DIAPH3: variants seen among roughly 807,000 people sequenced by gnomAD.
The protein encoded by DIAPH3 is protein diaphanous homolog 3.
In DIAPH3, 117 loss-of-function variants were observed where a neutral mutation model predicts 144.3. The ratio of observed to expected loss-of-function variants is 0.81; its 90% CI spans 0.70 to 0.95. DIAPH3 has a LOEUF of 0.95. Ranked by LOEUF, DIAPH3 falls within the 40% of genes least tolerant of loss-of-function variation. The pLI is 0.00. For synonymous variants in DIAPH3, 519 were observed against 488.9 expected, an observed-to-expected ratio of 1.06 and a Z score of -0.81; for missense variants, 1,421 against 1,412.7, an observed-to-expected ratio of 1.01 and a Z score of -0.09.
intron 17 of DIAPH3, among the ~76,000 whole-genome samples, chr13:59,957,572 T>C (rs2049483601): frequency 6.6e-6 from 1 of 152,150 alleles, no homozygotes; most frequent in Non-Finnish European, 1.5e-5. Context: ...AACAGACAAT[T>C]ATAGTTACCA....
chr13:59,978,356 C>A (rs971713179), intron 14 of DIAPH3, among the ~76,000 whole-genome samples: 2 of 151,530 alleles, frequency 1.3e-5, no homozygotes, highest in Non-Finnish European at 3.0e-5. Context: ...ACAAAGTTCA[C>A]TGTTACACAG....
At chr13:59,771,095 C>T (rs1006425540) in intron 27 of DIAPH3, among the ~76,000 whole-genome samples, 2 of 151,998 alleles carry the variant, frequency 1.3e-5, no homozygotes, top group African/African-American at 2.4e-5. Context: ...CATATAGGGA[C>T]ATTTTAGCCC....
At chr13:59,944,178 C>G (rs979267986) in intron 17 of DIAPH3, among the ~76,000 whole-genome samples, 2 of 151,804 alleles carry the variant, frequency 1.3e-5, no homozygotes, top group African/African-American at 4.8e-5. Flanking sequence ...CATGTCACTG[C>G]ACTCCAGCCT....
chr13:60,113,230 G>C (rs1050191337), intron 2 of DIAPH3, among the ~76,000 whole-genome samples: 1 of 152,050 alleles, frequency 6.6e-6, no homozygotes, highest in African/African-American at 2.4e-5. Context: ...AAGTGCTCAA[G>C]AGCCACATGT....
At chr13:59,850,134 T>C (rs1318420304) in intron 22 of DIAPH3, among the ~76,000 whole-genome samples, 1 of 152,054 alleles carries the variant, frequency 6.6e-6, no homozygotes, top group Non-Finnish European at 1.5e-5. Context: ...GTTGTTGGTG[T>C]ATAAGAATGC....
intron 22 of DIAPH3, among the ~76,000 whole-genome samples, chr13:59,851,704 C>G (rs899354048): frequency 3.4e-5 from 5 of 148,794 alleles, no homozygotes; most frequent in African/African-American, 1.2e-4. Context: ...AATGGCGCAA[C>G]CTCCGCCTCC....
intron 27 of DIAPH3, among the ~76,000 whole-genome samples, chr13:59,709,511 C>T (rs2034614533): frequency 6.6e-6 from 1 of 152,138 alleles, no homozygotes; most frequent in Non-Finnish European, 1.5e-5. Flanking sequence ...CCATCACTGG[C>T]CATCAGAGAA....
At chr13:59,720,059 G>A (rs564502702) in intron 27 of DIAPH3, among the ~76,000 whole-genome samples, 2 of 152,268 alleles carry the variant, frequency 1.3e-5, no homozygotes, top group East Asian at 3.9e-4. Context: ...TGATTTTGCT[G>A]TCATGGGAAC....
chr13:60,103,001 A>G (rs2058315757), intron 3 of DIAPH3, among the ~76,000 whole-genome samples: 1 of 152,078 alleles, frequency 6.6e-6, no homozygotes, highest in African/African-American at 2.4e-5. Context: ...AGATATTCCC[A>G]AAGAGTCTTC....
intron 20 of DIAPH3, among the ~76,000 whole-genome samples, chr13:59,886,304 G>T (rs1273395624): frequency 2.0e-5 from 3 of 152,048 alleles, no homozygotes; most frequent in African/African-American, 7.2e-5. Context: ...AATATCAAAT[G>T]ATGGTATTTT....
intron 17 of DIAPH3, among the ~76,000 whole-genome samples, chr13:59,928,631 T>C (rs2047869755): frequency 6.6e-6 from 1 of 152,212 alleles, no homozygotes; most frequent in African/African-American, 2.4e-5. Flanking sequence ...CTGTGTGATT[T>C]CTTCAGCTAT....
chr13:60,038,821 G>T (rs1488592504), intron 5 of DIAPH3, among the ~76,000 whole-genome samples: 1 of 151,876 alleles, frequency 6.6e-6, no homozygotes, highest in Non-Finnish European at 1.5e-5. Context: ...AGAAAATAAA[G>T]ATACCTTCTA....
intron 10 of DIAPH3, 105 bp downstream of exon 10, chr13:59,992,368 C>A: frequency 8.7e-7 from 1 of 1,151,054 alleles, no homozygotes; most frequent in South Asian, 1.4e-5. Flanking sequence ...TAACTCAAGC[C>A]TTTTCCCACA....
At chr13:59,891,424 C>A (rs529557870) in intron 20 of DIAPH3, among the ~76,000 whole-genome samples, 170 of 145,690 alleles carry the variant, frequency 1.2e-3, no homozygotes, top group African/African-American at 4.0e-3. Context: ...GTTTCCATAC[C>A]AAAAAAACCC....
At chr13:59,795,739 C>T (rs2039567260) in intron 25 of DIAPH3, among the ~76,000 whole-genome samples, 1 of 152,096 alleles carries the variant, frequency 6.6e-6, no homozygotes, top group Admixed American at 6.6e-5. Context: ...AGGCGTGAAA[C>T]ACTGCGCCTG....
chr13:60,149,025 C>A (rs1951660393), intron 1 of DIAPH3, among the ~76,000 whole-genome samples: 2 of 152,088 alleles, frequency 1.3e-5, no homozygotes, highest in African/African-American at 4.8e-5. Context: ...CAGAAAGTGG[C>A]TAAAAAGGAA....
At chr13:59,816,587 GC>G (rs1051808081) in intron 24 of DIAPH3, among the ~76,000 whole-genome samples, 4 of 151,040 alleles carry the variant, frequency 2.6e-5, no homozygotes, top group African/African-American at 9.7e-5. Context: ...CCTCATTTTT[GC>G]CTTTTATGTC....
intron 5 of DIAPH3, among the ~76,000 whole-genome samples, chr13:60,026,817 A>G (rs2054407733): frequency 6.6e-6 from 1 of 152,068 alleles, no homozygotes. Context: ...ATATTTTCTT[A>G]TTGTCCTATA....
At chr13:59,878,288 G>A (rs1195241467) in intron 21 of DIAPH3, among the ~76,000 whole-genome samples, 1 of 152,042 alleles carries the variant, frequency 6.6e-6, no homozygotes, top group Non-Finnish European at 1.5e-5. Flanking sequence ...AATGGAGATG[G>A]GGCAAAGGAA....
Sources: allele counts gnomAD v4.1 joint callset (sites outside exome capture counted in the v4.1 genomes callset), GRCh38; gene constraint gnomAD v4.1.1; transcripts MANE v1.5; gene names NCBI Gene and HGNC (gene_info 2026-07-23, HGNC 2026-07-21).